LONRF2: variants seen among roughly 807,000 people sequenced by gnomAD.
LONRF2 encodes the protein LON peptidase N-terminal domain and RING finger protein 2.
In LONRF2, 35 loss-of-function variants were observed where a neutral mutation model predicts 66.6. The ratio of observed to expected loss-of-function variants is 0.53; its 90% confidence interval spans 0.40 to 0.70. LONRF2 has a LOEUF of 0.70. LONRF2 is among the 30% of genes least tolerant of loss of function. The pLI is 0.00. For synonymous variants in LONRF2, 417 were observed against 418.1 expected (o/e 1.00, Z 0.03); for missense variants, 902 against 1,002.1 (o/e 0.90, Z 1.35).
intron 11 of LONRF2, 99 bp downstream of exon 11, chr2:100,286,815 G>A: frequency 7.2e-7 from 1 of 1,389,282 alleles, no homozygotes; most frequent in East Asian, 2.4e-5. Context: ...ACCACATTGG[G>A]GTAACCAGCA....
intron 2 of LONRF2, among the ~76,000 whole-genome samples, chr2:100,306,507 TTGGGTAAGATCA>T (rs1675293896): frequency 2.0e-5 from 3 of 152,220 alleles, no homozygotes; most frequent in Admixed American, 2.0e-4. Flanking sequence ...AGTTCGCTGT[TTGGGTAAGATCA>T]AACTAATCAT....
At chr2:100,299,343 G>T (rs773521185) in intron 5 of LONRF2, 24 bp from the exon 6 acceptor site, 4 of 1,427,102 alleles carry the variant, frequency 2.8e-6, no homozygotes, top group African/African-American at 1.4e-5. Flanking sequence ...AATTTAAAAC[G>T]CTGTAATTAA....
chr2:100,295,678 T>G, intron 7 of LONRF2, 125 bp from the exon 8 acceptor site: 1 of 918,516 alleles, frequency 1.1e-6, no homozygotes, highest in Admixed American at 2.7e-5. Flanking sequence ...GGAAAAGGGA[T>G]GGAGAGAGAG....
intron 3 of LONRF2, 30 bp downstream of exon 3, chr2:100,302,891 A>T: frequency 3.2e-6 from 5 of 1,546,434 alleles, no homozygotes; most frequent in Non-Finnish European, 4.4e-6. Context: ...ATAAGACCTG[A>T]TAGAGAAAGT....
At chr2:100,300,368 T>C (rs934085057) in intron 4 of LONRF2, among the ~76,000 whole-genome samples, 39 of 152,332 alleles carry the variant, frequency 2.6e-4, no homozygotes, top group African/African-American at 8.9e-4. Context: ...GTCCCTTTGC[T>C]TTATTTTCTC....
At chr2:100,320,435 T>C (rs1410991277) in intron 1 of LONRF2, among the ~76,000 whole-genome samples, 1 of 152,222 alleles carries the variant, frequency 6.6e-6, no homozygotes, top group Non-Finnish European at 1.5e-5. Flanking sequence ...GTTCAATATT[T>C]GGATCTTTTT....
Position 100,294,352 on chromosome 2 carries a change from A to G in LONRF2, c.1634T>C (p.Met545Thr), listed in dbSNP as rs754382210. The G allele has an allele frequency of 9.4e-6, 15 of 1,600,652 alleles. No individual in the cohort carries two copies. The Admixed American group carries it at 2.3e-4, about 25-fold the overall frequency. ...TRDVPIFVCA[M>T]AFPTVPCPLH... ...TGGACATGGGACCGTGGGGAAGGCC[A>G]TGGCACACACAAAGATGGGGACGTC... Residue 545 changes from methionine to threonine, a missense_variant, in exon 9 of 12, where the codon ATG becomes ACG. By Grantham distance (81) the Met-to-Thr change is moderately conservative. This residue lies in a region of LONRF2 where 317 missense variants were observed against 432.2 expected (regional missense o/e 0.73). Coordinates refer to ENST00000393437, the MANE Select transcript of LONRF2 (RefSeq NM_198461.4).
In LONRF2 at chr2:100,282,542, A is replaced by G. The variant is rs1286849536; in HGVS notation, c.*1756T>C. Reference sequence around the variant, plus strand: ...TGTTTTCTTTATTTTATTCCAATCAATGAATGATTCAGTTATTCCAATCAA... The same window carrying G: ...TGTTTTCTTTATTTTATTCCAATCAGTGAATGATTCAGTTATTCCAATCAA... On this transcript the variant is annotated 3_prime_UTR_variant, in exon 12 of 12. Coordinates refer to ENST00000393437, the MANE Select transcript of LONRF2 (RefSeq NM_198461.4). 1 of 152,208 alleles carries G rather than the reference A, an allele frequency of 6.6e-6. No homozygotes were observed. The highest frequency in any genetic ancestry group is 1.5e-5 in the Non-Finnish European group (1 of 68,042). 9.4% of individuals were successfully genotyped at this position (152,208 alleles called of 1,614,324 possible).
chr2:100,312,183 AT>A (rs934843350), intron 1 of LONRF2, among the ~76,000 whole-genome samples: 13 of 152,268 alleles, frequency 8.5e-5, no homozygotes, highest in African/African-American at 2.6e-4. Flanking sequence ...GAGCATCTCA[AT>A]TTTTTTGAAG....
At chr2:100,304,559 C>G (rs1285656282) in intron 2 of LONRF2, among the ~76,000 whole-genome samples, 1 of 151,388 alleles carries the variant, frequency 6.6e-6, no homozygotes, top group Non-Finnish European at 1.5e-5. Context: ...TGCATAATAA[C>G]TTCTTCAAAG....
rs991888405 is a variant in LONRF2, at chr2:100,282,583, T to C, written c.*1715A>G. ...TTCCAATCAAATGATCGGGTTAGGTTATAATGCCTAAGAAAGTTGAATACT... is the reference window on the plus strand; with the variant it reads ...TTCCAATCAAATGATCGGGTTAGGTCATAATGCCTAAGAAAGTTGAATACT... On this transcript the variant is annotated 3_prime_UTR_variant, in exon 12 of 12. Transcript: ENST00000393437. 2.0e-5 allele frequency: 3 copies of C among 152,226 alleles called. No individual in the cohort carries two copies. Among genetic ancestry groups the C allele is most frequent in the African/African-American group, 7.2e-5 (3 of 41,462 alleles). The allele number at this position is 152,226 out of a possible 1,614,324, so 9.4% of individuals were successfully genotyped here. A position where few individuals can be genotyped will look rare whatever the true frequency, so the allele number is the denominator to read the frequency against.
Position 100,283,370 on chromosome 2 carries a change from A to G in LONRF2, c.*928T>C, listed in dbSNP as rs1200835416. The G allele has an allele frequency of 2.0e-5, 3 of 152,182 alleles. No individual in the cohort carries two copies. Among genetic ancestry groups the G allele is most frequent in the African/African-American group, 7.2e-5 (3 of 41,424 alleles). The allele number at this position is 152,182 out of a possible 1,614,324, so 9.4% of individuals were successfully genotyped here. Reference sequence around the variant, plus strand: ...GGCAGATTTTTTAATGTTTTTGTATATTAATAAATGGATAGTAAACTGAAA... The same window carrying G: ...GGCAGATTTTTTAATGTTTTTGTATGTTAATAAATGGATAGTAAACTGAAA... On this transcript the variant is annotated 3_prime_UTR_variant, in exon 12 of 12. Coordinates refer to ENST00000393437, the MANE Select transcript of LONRF2 (RefSeq NM_198461.4).
Position 100,299,225 on chromosome 2 carries a change from C to A in LONRF2, c.1361+1G>T. 1 of 1,577,720 alleles carries A rather than the reference C, an allele frequency of 6.3e-7. No individual in the cohort carries two copies. Among genetic ancestry groups the A allele is most frequent in the Non-Finnish European group, 8.6e-7 (1 of 1,160,056 alleles). ...GTTGCACGGATTCTGTACCATCCTACCTCATGCAGAGGGCACACTCAAAGT... is the reference window on the plus strand; with the variant it reads ...GTTGCACGGATTCTGTACCATCCTAACTCATGCAGAGGGCACACTCAAAGT... On this transcript the variant is annotated splice_donor_variant, in intron 6 of 11. Transcript: ENST00000393437. LOFTEE classifies it high-confidence loss of function.
chr2:100,318,344 A>C (rs79836049), intron 1 of LONRF2, among the ~76,000 whole-genome samples: 1 of 152,106 alleles, frequency 6.6e-6, no homozygotes, highest in African/African-American at 2.4e-5. Context: ...ATTTTCATAC[A>C]TTTATTTACC....
Position 100,290,413 on chromosome 2 carries a change from C to G in LONRF2, c.1765G>C (p.Glu589Gln). 1 of 1,606,680 alleles carries G rather than the reference C, an allele frequency of 6.2e-7. No homozygotes were observed. Among genetic ancestry groups the G allele is most frequent in the Non-Finnish European group, 8.5e-7 (1 of 1,177,626 alleles). Residue 589 changes from glutamate to glutamine, a missense_variant, in exon 10 of 12, where the codon GAG becomes CAG. Glu to Gln is a conservative substitution (Grantham distance 29). Around this residue, in one of 2 missense-constraint regions of LONRF2, gnomAD observed 317 missense variants for 432.2 expected, o/e 0.73. Transcript: ENST00000393437. ...TTAATCTCCAGCATGCATCCATACT[C>G]TGAAAGCCTGAAAAGACAGTTAGGA... ...CLSAEHAGLS[E>Q]YGCMLEIKDV... is the part of the protein sequence containing the mutation.
chr2:100,294,447 C>T lies in LONRF2; in HGVS notation c.1599-60G>A. Reference sequence around the variant, plus strand: ...TGAGCTGTTAGATCAGAGGGTGGTACTGGCCACCAAAACAGCAAAAGCCAG... The same window carrying T: ...TGAGCTGTTAGATCAGAGGGTGGTATTGGCCACCAAAACAGCAAAAGCCAG... On this transcript the variant is annotated intron_variant, in intron 8 of 11. Coordinates refer to ENST00000393437, the MANE Select transcript of LONRF2 (RefSeq NM_198461.4). 5 of 1,453,172 alleles carry T rather than the reference C, an allele frequency of 3.4e-6. No individual in the cohort carries two copies. The South Asian group carries it at 6.1e-5, about 18-fold the overall frequency. The allele number at this position is 1,453,172 out of a possible 1,614,324, so 90.0% of individuals were successfully genotyped here.
rs1675356751 is a variant in LONRF2 at position 100,309,094 on chromosome 2, C to T, written c.798+13G>A. On this transcript the variant is annotated intron_variant, in intron 2 of 11. Transcript: ENST00000393437. ...TCACATTGATTATCTCCAAAGCTAACAAATACAAATACCTTAATCAAGAGA... is the reference window on the plus strand; with the variant it reads ...TCACATTGATTATCTCCAAAGCTAATAAATACAAATACCTTAATCAAGAGA... 1 of 1,497,908 alleles carries T rather than the reference C, an allele frequency of 6.7e-7. No individual in the cohort carries two copies. The highest frequency in any genetic ancestry group is 1.4e-5 in the African/African-American group (1 of 71,086). 92.8% of individuals were successfully genotyped at this position (1,497,908 alleles called of 1,614,324 possible).
chr2:100,296,001 A>G (rs7582180), intron 7 of LONRF2, among the ~76,000 whole-genome samples: 109,294 of 152,170 alleles, frequency 0.72, 39,977 homozygotes, highest in East Asian at 0.95. Context: ...TCCCAACATT[A>G]TGTTTTTTTC....
At chr2:100,300,535 TCTAA>T in intron 4 of LONRF2, 105 bp downstream of exon 4, 1 of 1,097,654 alleles carries the variant, frequency 9.1e-7, no homozygotes, top group South Asian at 2.1e-5. Flanking sequence ...GAGAAATATG[TCTAA>T]CTAACATAAT....
Sources: gnomAD v4.1 joint callset for allele counts (sites outside exome capture counted in the v4.1 genomes callset) on GRCh38, gnomAD v4.1.1 for gene constraint, gnomAD v4.1.1 regional missense constraint, MANE v1.5 for transcripts, NCBI Gene and HGNC (gene_info 2026-07-23, HGNC 2026-07-21) for gene names.